Variants in WWC1 observed in about 807,000 individuals in gnomAD.
WWC1 encodes protein KIBRA.
A neutral mutation model predicts 138.4 loss-of-function variants in WWC1; 55 were observed. The ratio of observed to expected loss-of-function variants is 0.40; its 90% CI spans 0.32 to 0.50. WWC1 has a LOEUF of 0.50. Ranked by LOEUF, WWC1 falls within the 20% of genes least tolerant of loss-of-function variation. The probability of loss-of-function intolerance (pLI) is 0.72; values close to 1 mark genes in which losing one functional copy is unlikely to be tolerated. For synonymous variants in WWC1, 524 were observed against 564.9 expected, an observed-to-expected ratio of 0.93 and a Z score of 1.03; for missense variants, 1,226 against 1,420.4, an observed-to-expected ratio of 0.86 and a Z score of 2.20.
intron 1 of WWC1, among the ~76,000 whole-genome samples, chr5:168,361,312 G>C (rs1482272009): frequency 1.3e-5 from 2 of 152,146 alleles, no homozygotes; most frequent in African/African-American, 4.8e-5. Context: ...TGAGCAGGGT[G>C]AGGAGCAAAA....
chr5:168,436,624 C>G (rs573294316), intron 15 of WWC1, among the ~76,000 whole-genome samples: 6 of 152,312 alleles, frequency 3.9e-5, no homozygotes, highest in South Asian at 2.1e-4. Context: ...ACCTTTCATC[C>G]TGTGTCTCCG....
chr5:168,358,937 C>A (rs1442240254), intron 1 of WWC1, among the ~76,000 whole-genome samples: 1 of 152,092 alleles, frequency 6.6e-6, no homozygotes, highest in Non-Finnish European at 1.5e-5. Flanking sequence ...CAACCACTGA[C>A]CTGCTTTCTG....
chr5:168,365,370 T>C (rs766699313), intron 1 of WWC1, among the ~76,000 whole-genome samples: 10 of 152,170 alleles, frequency 6.6e-5, no homozygotes, highest in Non-Finnish European at 1.3e-4. Flanking sequence ...GCCAGCATCC[T>C]GCTGGACGGT....
chr5:168,439,654 G>A (rs936640454), intron 15 of WWC1, among the ~76,000 whole-genome samples: 17 of 151,452 alleles, frequency 1.1e-4, no homozygotes, highest in African/African-American at 3.2e-4. Context: ...AAAATCTTTC[G>A]CTATTACAAA....
At chr5:168,359,545 A>G (rs1475274082) in intron 1 of WWC1, among the ~76,000 whole-genome samples, 1 of 152,196 alleles carries the variant, frequency 6.6e-6, no homozygotes, top group Admixed American at 6.5e-5. Context: ...TAAAGATAAT[A>G]TTGATTTTAA....
At chr5:168,420,653 A>T (rs10866628) in intron 9 of WWC1, among the ~76,000 whole-genome samples, 64,159 of 151,398 alleles carry the variant, frequency 0.42, 14,922 homozygotes, top group East Asian at 0.77. Flanking sequence ...TTCCCCCGGG[A>T]TCCTCTGCCT....
At chr5:168,378,627 G>A (rs1416787277) in intron 2 of WWC1, among the ~76,000 whole-genome samples, 1 of 151,996 alleles carries the variant, frequency 6.6e-6, no homozygotes, top group Non-Finnish European at 1.5e-5. Context: ...AATACCTTGG[G>A]AGCTTTTAGT....
intron 5 of WWC1, among the ~76,000 whole-genome samples, chr5:168,402,882 C>T (rs986136901): frequency 6.6e-6 from 1 of 152,148 alleles, no homozygotes; most frequent in Admixed American, 6.5e-5. Flanking sequence ...TCTGTGCCTA[C>T]CCTGCGGCAG....
intron 9 of WWC1, 108 bp downstream of exon 9, chr5:168,414,698 C>G (rs1780472158): frequency 7.1e-7 from 1 of 1,406,234 alleles, no homozygotes; most frequent in South Asian, 1.5e-5. Context: ...GGGCTCCACC[C>G]TGAGCACGCT....
intron 1 of WWC1, among the ~76,000 whole-genome samples, chr5:168,327,539 T>C (rs1772667587): frequency 6.6e-6 from 1 of 152,258 alleles, no homozygotes. Context: ...TTTGCAATTA[T>C]GGTCCTTGGA....
intron 6 of WWC1, among the ~76,000 whole-genome samples, chr5:168,408,286 A>G (rs530875916): frequency 6.6e-6 from 1 of 152,246 alleles, no homozygotes; most frequent in East Asian, 1.9e-4. Flanking sequence ...CAGAGTCGGC[A>G]TCCACACCGG....
intron 1 of WWC1, among the ~76,000 whole-genome samples, 156 bp from the exon 2 acceptor site, chr5:168,371,268 G>A (rs983782171): frequency 1.3e-5 from 2 of 152,170 alleles, no homozygotes; most frequent in Non-Finnish European, 2.9e-5. Flanking sequence ...TCACCTTCCC[G>A]GGAACAAAGG....
At chr5:168,355,374 A>G (rs1194451769) in intron 1 of WWC1, among the ~76,000 whole-genome samples, 1 of 151,844 alleles carries the variant, frequency 6.6e-6, no homozygotes, top group Non-Finnish European at 1.5e-5. Flanking sequence ...GGGGCCTGGA[A>G]TCCCAGCTAC....
rs762385434 is a variant in WWC1 at position 168,455,455 on chromosome 5, C to T, written c.2758C>T (p.Arg920Ter). The T allele has an allele frequency of 1.9e-6, 3 of 1,612,710 alleles. No individual in the cohort carries two copies. Among genetic ancestry groups the T allele is most frequent in the Admixed American group, 3.3e-5 (2 of 59,852 alleles). ...VGTPSQGPFLRGSTIIRSKTF... is the reference protein window; with the variant it reads ...VGTPSQGPFL The stretch of plus-strand genomic sequence containing the variant: ...CACCCCGTCCCAGGGGCCATTTCTT[C>T]GAGGGAGCACCATCATCCGCTCTAA... The change falls in exon 19 of 23, where the codon CGA (arginine) becomes TGA (stop). Residue 920 changes from arginine (R) to a stop codon, truncating the protein, a stop_gained. Coordinates refer to ENST00000265293, the MANE Select transcript of WWC1 (RefSeq NM_015238.3). LOFTEE classifies it high-confidence loss of function.
At chr5:168,322,937 G>T (rs555651901) in intron 1 of WWC1, among the ~76,000 whole-genome samples, 213 of 152,258 alleles carry the variant, frequency 1.4e-3, no homozygotes, top group African/African-American at 4.8e-3. Context: ...AGAAAACAAA[G>T]TTCAGATGGT....
chr5:168,399,670 A>C (rs1779164234), intron 5 of WWC1, 103 bp downstream of exon 5: 2 of 1,121,248 alleles, frequency 1.8e-6, no homozygotes, highest in East Asian at 2.5e-5. Flanking sequence ...CTCCCTTCTC[A>C]AAATGTGGCT....
At chr5:168,351,856 T>A (rs1402038349) in intron 1 of WWC1, among the ~76,000 whole-genome samples, 5 of 152,140 alleles carry the variant, frequency 3.3e-5, no homozygotes, top group African/African-American at 1.2e-4. Context: ...TTGAGTAGAC[T>A]CCACTCAGAA....
At chr5:168,322,673 T>C (rs1772211007) in intron 1 of WWC1, among the ~76,000 whole-genome samples, 1 of 152,186 alleles carries the variant, frequency 6.6e-6, no homozygotes, top group Non-Finnish European at 1.5e-5. Context: ...GGCTTCAAGA[T>C]AGATGTTATC....
At chr5:168,368,769 C>G (rs1036571027) in intron 1 of WWC1, among the ~76,000 whole-genome samples, 3 of 152,190 alleles carry the variant, frequency 2.0e-5, no homozygotes, top group African/African-American at 4.8e-5. Context: ...GAAGAGGGAA[C>G]AAACCACTTA....
Sources: allele counts gnomAD v4.1 joint callset (sites outside exome capture counted in the v4.1 genomes callset), GRCh38; gene constraint gnomAD v4.1.1; transcripts MANE v1.5; gene names NCBI Gene and HGNC (gene_info 2026-07-23, HGNC 2026-07-21).